The following CDC73 variants were observed in gnomAD, a reference collection of about 807,000 sequenced individuals.
CDC73 encodes parafibromin.
A neutral mutation model predicts 83.7 loss-of-function variants in CDC73; 21 were observed. That is an observed-to-expected ratio of 0.25 (90% CI 0.18 to 0.36). CDC73 has a LOEUF of 0.36. CDC73 is among the 10% of genes least tolerant of loss of function. The probability of loss-of-function intolerance (pLI) is 1.00; values close to 1 mark genes in which losing one functional copy is unlikely to be tolerated. For synonymous variants in CDC73, 224 were observed against 212.9 expected, an observed-to-expected ratio of 1.05 and a Z score of -0.45; for missense variants, 342 against 653.3, an observed-to-expected ratio of 0.52 and a Z score of 5.19.
At chr1:193,156,714 G>A (rs1400809073) in intron 10 of CDC73, among the ~76,000 whole-genome samples, 1 of 152,086 alleles carries the variant, frequency 6.6e-6, no homozygotes, top group Non-Finnish European at 1.5e-5. Flanking sequence ...TGTTACGGGA[G>A]TGCTATAGTA....
At chr1:193,206,131 G>A (rs1677185870) in intron 11 of CDC73, among the ~76,000 whole-genome samples, 1 of 152,152 alleles carries the variant, frequency 6.6e-6, no homozygotes, top group South Asian at 2.1e-4. Flanking sequence ...TATGTGTCTT[G>A]TGATAAAATT....
chr1:193,252,804 T>C lies in CDC73; in HGVS notation c.*2092T>C. 1 of 231,972 alleles carries C rather than the reference T, an allele frequency of 4.3e-6. No individual in the cohort carries two copies. The highest frequency in any genetic ancestry group is 8.5e-6 in the Non-Finnish European group (1 of 117,208). The allele number at this position is 231,972 out of a possible 1,614,324, so 14.4% of individuals were successfully genotyped here. On this transcript the variant is annotated 3_prime_UTR_variant, in exon 17 of 17. Transcript: ENST00000367435. ...TTTATTCTCCCATGACATGGTCCTA[T>C]ATAGCAGTACTTAACACAGTGCCTT... is the stretch of plus-strand genomic sequence containing the variant.
chr1:193,124,345 G>A (rs1422919973), intron 1 of CDC73, among the ~76,000 whole-genome samples: 1 of 152,008 alleles, frequency 6.6e-6, no homozygotes, highest in African/African-American at 2.4e-5. Flanking sequence ...ACTATTTATT[G>A]GGTTTCATAG....
At chr1:193,135,515 T>A in intron 4 of CDC73, 22 bp from the exon 5 acceptor site, 1 of 1,613,006 alleles carries the variant, frequency 6.2e-7, no homozygotes, top group Non-Finnish European at 8.5e-7. Context: ...TACACATTTA[T>A]TTACTTCTCT....
intron 15 of CDC73, among the ~76,000 whole-genome samples, chr1:193,238,644 A>G (rs1677805298): frequency 6.6e-6 from 1 of 152,214 alleles, no homozygotes. Context: ...ATACATACTA[A>G]TAGCCTACTG....
chr1:193,181,428 A>G (rs1676714464), intron 10 of CDC73: 2 of 1,614,068 alleles, frequency 1.2e-6, no homozygotes, highest in South Asian at 1.1e-5. Flanking sequence ...GCCAGTCATG[A>G]TGATTGAAAA....
intron 14 of CDC73, among the ~76,000 whole-genome samples, chr1:193,235,262 C>G (rs1353234819): frequency 6.6e-6 from 1 of 152,154 alleles, no homozygotes; most frequent in Non-Finnish European, 1.5e-5. Flanking sequence ...TCTCTTCTTC[C>G]TTTTCTCTGT....
intron 10 of CDC73, among the ~76,000 whole-genome samples, chr1:193,191,088 G>T (rs1287880532): frequency 1.3e-5 from 2 of 152,134 alleles, no homozygotes; most frequent in African/African-American, 2.4e-5. Context: ...AACATTGTTG[G>T]AACATAAAGT....
rs1247532200 is a variant in CDC73, at chr1:193,197,366, A to G, written c.973-6429A>G. 1.3e-5 allele frequency among the ~76,000 whole-genome samples: 2 copies of G among 152,226 alleles called. 1 individual carries two copies. Among genetic ancestry groups the G allele is most frequent in the South Asian group, 4.1e-4 (2 of 4,836 alleles). ...TTGCTAGGTCGTGACTTATCCTTAC[A>G]TAAAGAGTGTTAAAAGAAAATTGTT... On this transcript the variant is annotated intron_variant, in intron 10 of 16. Coordinates refer to ENST00000367435, the MANE Select transcript of CDC73 (RefSeq NM_024529.5).
At chr1:193,201,332 C>A (rs906404802) in intron 10 of CDC73, among the ~76,000 whole-genome samples, 4 of 152,130 alleles carry the variant, frequency 2.6e-5, no homozygotes, top group Non-Finnish European at 4.4e-5. Context: ...TTGCAGGCCA[C>A]TAGAAATAGA....
chr1:193,123,893 G>A (rs1572141411), intron 1 of CDC73, among the ~76,000 whole-genome samples: 1 of 152,190 alleles, frequency 6.6e-6, no homozygotes, highest in African/African-American at 2.4e-5. Flanking sequence ...TCTAGTTGGG[G>A]TTATTTAGGA....
intron 15 of CDC73, among the ~76,000 whole-genome samples, chr1:193,249,327 T>C (rs142466306): frequency 5.3e-5 from 8 of 152,162 alleles, no homozygotes; most frequent in African/African-American, 1.2e-4. Flanking sequence ...ACACGTAATA[T>C]AGACTGTGAT....
At chr1:193,171,249 C>A (rs1197307692) in intron 10 of CDC73, among the ~76,000 whole-genome samples, 2 of 152,206 alleles carry the variant, frequency 1.3e-5, no homozygotes, top group African/African-American at 4.8e-5. Context: ...TGTTCATTTT[C>A]TATTGTCACA....
chr1:193,216,536 A>G (rs909085721), intron 13 of CDC73, among the ~76,000 whole-genome samples: 2 of 152,168 alleles, frequency 1.3e-5, no homozygotes, highest in Admixed American at 6.5e-5. Context: ...AGCTGGTACC[A>G]GTCCTACTGA....
At position 193,254,450 on chromosome 1, in the gene CDC73, C is replaced by G. The variant is rs1410353800; in HGVS notation, c.*3738C>G. Reference sequence around the variant, plus strand: ...ATAGAAATAAAAAGTGGAGAAATGACTAAAGTTGACTTAAGTTAAGAATTG... The same window carrying G: ...ATAGAAATAAAAAGTGGAGAAATGAGTAAAGTTGACTTAAGTTAAGAATTG... On this transcript the variant is annotated 3_prime_UTR_variant, in exon 17 of 17. Coordinates refer to ENST00000367435, the MANE Select transcript of CDC73 (RefSeq NM_024529.5). Among the ~76,000 whole-genome samples the G allele has an allele frequency of 6.6e-6, 1 of 152,012 alleles. No homozygotes were observed. The highest frequency in any genetic ancestry group is 1.5e-5 in the Non-Finnish European group (1 of 67,964).
Position 193,180,312 on chromosome 1 carries a change from G to A in CDC73, c.973-23483G>A, listed in dbSNP as rs1181924381. ...GTCTTTTCTAATGTAGTTTACGGTG[G>A]CGATACCTGCCTGCCTTTTCTTTTG... On this transcript the variant is annotated intron_variant, in intron 10 of 16. Transcript: ENST00000367435. The A allele has an allele frequency of 3.2e-6, 5 of 1,579,450 alleles. No individual in the cohort carries two copies. In the Admixed American group the frequency reaches 9.4e-5, roughly 30 times the overall value.
intron 14 of CDC73, among the ~76,000 whole-genome samples, chr1:193,234,674 G>A (rs1277038137): frequency 6.6e-6 from 1 of 151,812 alleles, no homozygotes; most frequent in Non-Finnish European, 1.5e-5. Context: ...TTCTGCTTCC[G>A]TGCTGATGCT....
chr1:193,200,492 T>C (rs1677074248), intron 10 of CDC73, among the ~76,000 whole-genome samples: 1 of 152,236 alleles, frequency 6.6e-6, no homozygotes, highest in Admixed American at 6.5e-5. Context: ...TGTGGTTCTC[T>C]CACTGTTTTT....
intron 10 of CDC73, among the ~76,000 whole-genome samples, chr1:193,190,034 C>T (rs1252738595): frequency 2.0e-5 from 3 of 152,132 alleles, no homozygotes; most frequent in African/African-American, 7.2e-5. Context: ...TGAATCTGGT[C>T]TTCTTATATT....
Sources: allele counts gnomAD v4.1 joint callset (sites outside exome capture counted in the v4.1 genomes callset), GRCh38; gene constraint gnomAD v4.1.1; transcripts MANE v1.5; gene names NCBI Gene and HGNC (gene_info 2026-07-23, HGNC 2026-07-21).